HERC2: variants seen among roughly 807,000 people sequenced by gnomAD.
HERC2 encodes HECT and RLD domain containing E3 ubiquitin protein ligase 2.
In HERC2, 102 loss-of-function variants were observed where a neutral mutation model predicts 537.7. The observed-to-expected ratio is 0.19, with a 90% CI of 0.16 to 0.22. HERC2 has a LOEUF of 0.22. HERC2 is among the 10% of genes least tolerant of loss of function. HERC2 has a pLI of 1.00. For missense variants in HERC2, 4,236 were observed against 6,198.2 expected, an observed-to-expected ratio of 0.68 and a Z score of 10.63; for synonymous variants, 2,224 against 2,466.2, an observed-to-expected ratio of 0.90 and a Z score of 2.91.
chr15:28,246,498 T>C (rs1903717780), intron 22 of HERC2, among the ~76,000 whole-genome samples: 1 of 152,144 alleles, frequency 6.6e-6, no homozygotes, highest in Non-Finnish European at 1.5e-5. Context: ...GACCTCATTA[T>C]TGAAATGTCA....
intron 20 of HERC2, among the ~76,000 whole-genome samples, chr15:28,252,823 C>T (rs1323362176): frequency 6.6e-6 from 1 of 152,210 alleles, no homozygotes; most frequent in Non-Finnish European, 1.5e-5. Flanking sequence ...GAAACTAGCT[C>T]TAAAACTTCC....
At chr15:28,197,279 C>G (rs1436811692) in intron 50 of HERC2, among the ~76,000 whole-genome samples, 2 of 152,146 alleles carry the variant, frequency 1.3e-5, no homozygotes, top group Non-Finnish European at 2.9e-5. Flanking sequence ...TAAAACTATA[C>G]ACATACTTAT....
At chr15:28,247,552 C>T (rs918374404) in intron 21 of HERC2, among the ~76,000 whole-genome samples, 8 of 151,602 alleles carry the variant, frequency 5.3e-5, no homozygotes, top group African/African-American at 1.7e-4. Flanking sequence ...CCTCAGCCTC[C>T]GGAGTAGCTG....
chr15:28,233,734 A>G lies in HERC2; in HGVS notation c.4281T>C (p.Phe1427=), dbSNP rs769045586. The G allele has an allele frequency of 3.7e-6, 6 of 1,613,240 alleles. No homozygotes were observed. Among genetic ancestry groups the G allele is most frequent in the Non-Finnish European group, 3.4e-6 (4 of 1,179,330 alleles). ...CCTCTTCCACGGGATGCTCGGGGGG[A>G]AACATGATCGGTGTGGTCAAATGGC... ...RQCHLTTPIM[F]PPEHPVEEVG... The change falls in exon 28 of 93, where the codon TTT becomes TTC. Residue 1427 remains phenylalanine (F), a synonymous_variant. Coordinates refer to ENST00000261609, the MANE Select transcript of HERC2 (RefSeq NM_004667.6).
At position 28,125,034 on chromosome 15, in the gene HERC2, G is replaced by A. The variant is rs1165476011; in HGVS notation, c.12962C>T (p.Pro4321Leu). The A allele has an allele frequency of 6.2e-7, 1 of 1,604,466 alleles. No individual in the cohort carries two copies. Residue 4321 changes from proline (P) to leucine (L), a missense_variant, in exon 84 of 93, where the codon CCC becomes CTC. By Grantham distance (98) the Pro-to-Leu change is moderately conservative. Transcript: ENST00000261609. ...AHTLAWSTSK[P>L]ASAGKLPAQV... Reference sequence around the variant, plus strand: ...TGCAGGGAGTTTGCCAGCACTGGCGGGCTTGCTGGTCGACCAGGCGAGGGT... The same window carrying A: ...TGCAGGGAGTTTGCCAGCACTGGCGAGCTTGCTGGTCGACCAGGCGAGGGT...
chr15:28,167,688 T>G lies in HERC2; in HGVS notation c.10553A>C (p.Glu3518Ala). The change falls in exon 68 of 93, where the codon GAG (glutamate) becomes GCG (alanine). Residue 3518 changes from glutamate (E) to alanine (A), a missense_variant and splice_region_variant. This residue lies in a region of HERC2 where 356 missense variants were observed against 450.9 expected (regional missense o/e 0.79). Coordinates refer to ENST00000261609, the MANE Select transcript of HERC2 (RefSeq NM_004667.6). ...IIAETMTKTKEDVESQNKAAG... is the reference protein window; with the variant it reads ...IIAETMTKTKADVESQNKAAG... ...AGTTAAAGAAGAACGCCTCTTCACC[T>G]CTTTGGTTTTGGTCATGGTTTCTGC... 2 of 1,614,106 alleles carry G rather than the reference T, an allele frequency of 1.2e-6. No individual in the cohort carries two copies. Among genetic ancestry groups the G allele is most frequent in the Non-Finnish European group, 1.7e-6 (2 of 1,180,014 alleles).
rs1206861301 is a variant in HERC2 at position 28,274,457 on chromosome 15, C to T, written c.644-10G>A. ...AGGTCCGCATCCTCGCCTGGGCGCACACACGCGTCAGAGGAGCCCCCCCAC... is the reference window on the plus strand; with the variant it reads ...AGGTCCGCATCCTCGCCTGGGCGCATACACGCGTCAGAGGAGCCCCCCCAC... On this transcript the variant is annotated splice_polypyrimidine_tract_variant and intron_variant, in intron 6 of 92. Transcript: ENST00000261609. 6.2e-7 allele frequency: 1 copy of T among 1,601,296 alleles called. No individual in the cohort carries two copies. Among genetic ancestry groups the T allele is most frequent in the Admixed American group, 1.7e-5 (1 of 58,510 alleles).
At chr15:28,135,798 A>C in intron 78 of HERC2, 106 bp from the exon 79 acceptor site, 1 of 800,188 alleles carries the variant, frequency 1.2e-6, no homozygotes, top group Non-Finnish European at 2.0e-6. Context: ...TACCACATAG[A>C]AATAAAATTT....
intron 3 of HERC2, among the ~76,000 whole-genome samples, chr15:28,295,775 G>A (rs1470834114): frequency 6.6e-6 from 1 of 152,092 alleles, no homozygotes; most frequent in African/African-American, 2.4e-5. Context: ...ACATTCTGTG[G>A]ACTTCATCTT....
chr15:28,264,186 G>T (rs1437147798), intron 14 of HERC2, among the ~76,000 whole-genome samples: 1 of 152,056 alleles, frequency 6.6e-6, no homozygotes, highest in Non-Finnish European at 1.5e-5. Flanking sequence ...TTTCCTCAAC[G>T]ATCAGATGGT....
chr15:28,221,293 C>T (rs1339874870), intron 36 of HERC2, among the ~76,000 whole-genome samples: 1 of 150,114 alleles, frequency 6.7e-6, no homozygotes, highest in Non-Finnish European at 1.5e-5. Context: ...AGAGCGGAAA[C>T]CTGAAACAAG....
chr15:28,157,894 C>T (rs901763844), intron 69 of HERC2, among the ~76,000 whole-genome samples: 2 of 152,052 alleles, frequency 1.3e-5, no homozygotes, highest in African/African-American at 4.8e-5. Flanking sequence ...ATAAATTTCC[C>T]TCTACACACT....
intron 86 of HERC2, chr15:28,117,894 C>T: frequency 3.5e-6 from 1 of 288,232 alleles, no homozygotes; most frequent in Non-Finnish European, 6.8e-6. Context: ...CGAGGCTGTG[C>T]ATCAGAATCA....
chr15:28,117,467 C>T (rs551555052), intron 86 of HERC2: 13 of 643,316 alleles, frequency 2.0e-5, no homozygotes, highest in South Asian at 1.4e-4. Flanking sequence ...AGCTGCGGCC[C>T]GGCAGCACCA....
At position 28,245,953 on chromosome 15, in the gene HERC2, C is replaced by T; in HGVS notation, c.3505G>A (p.Asp1169Asn). Residue 1169 changes from aspartate (D) to asparagine (N), a missense_variant, in exon 23 of 93, where the codon GAT becomes AAT. Asp to Asn is a conservative substitution (Grantham distance 23). This residue lies in a region of HERC2 where 754 missense variants were observed against 1,085.0 expected (regional missense o/e 0.69). Transcript: ENST00000261609. ...CCTGGTGCCAGATGGTTGAACCGAT[C>T]CAGATGTTCCAACAGGCCACCCAGC... ...PLLGGLLEHL[D>N]RFNHLAPGKE... is the part of the protein sequence containing the mutation. The T allele has an allele frequency of 6.2e-7, 1 of 1,614,122 alleles. No homozygotes were observed. Among genetic ancestry groups the T allele is most frequent in the Non-Finnish European group, 8.5e-7 (1 of 1,180,004 alleles).
At chr15:28,217,401 G>A (rs1406909265) in intron 38 of HERC2, among the ~76,000 whole-genome samples, 1 of 152,048 alleles carries the variant, frequency 6.6e-6, no homozygotes, top group Non-Finnish European at 1.5e-5. Context: ...TCAGCCACTT[G>A]CCCATCGACC....
chr15:28,198,008 A>G (rs1380037011), intron 50 of HERC2, among the ~76,000 whole-genome samples: 5 of 152,154 alleles, frequency 3.3e-5, no homozygotes, highest in Non-Finnish European at 7.3e-5. Flanking sequence ...GCATGGCTCC[A>G]TTCTTTCTGC....
chr15:28,231,916 T>C (rs1450266805), intron 30 of HERC2, among the ~76,000 whole-genome samples: 10 of 151,862 alleles, frequency 6.6e-5, no homozygotes, highest in Non-Finnish European at 4.4e-5. Context: ...AAAGTGACAG[T>C]GTGGGCTCAG....
intron 68 of HERC2, among the ~76,000 whole-genome samples, chr15:28,164,852 G>C (rs1893969234): frequency 6.6e-6 from 1 of 152,130 alleles, no homozygotes; most frequent in African/African-American, 2.4e-5. Flanking sequence ...CCTCAAACCA[G>C]GAGACTGCCA....
Sources: allele counts gnomAD v4.1 joint callset (sites outside exome capture counted in the v4.1 genomes callset), GRCh38; gene constraint gnomAD v4.1.1; regional missense constraint gnomAD v4.1.1; transcripts MANE v1.5; gene names NCBI Gene and HGNC (gene_info 2026-07-23, HGNC 2026-07-21).